CDH20: variants seen among roughly 807,000 people sequenced by gnomAD.
CDH20 encodes cadherin-20.
CDH20 carries 29 observed loss-of-function variants against 74.2 expected under a neutral mutation model. That is an observed-to-expected ratio of 0.39 (90% CI 0.29 to 0.53). The LOEUF (loss-of-function observed/expected upper bound fraction) is 0.53. CDH20 is among the 20% of genes least tolerant of loss of function. The pLI, the probability that CDH20 is intolerant of heterozygous loss-of-function variation, is 0.69. For missense variants in CDH20, 988 were observed against 1,048.3 expected, an observed-to-expected ratio of 0.94 and a Z score of 0.79; for synonymous variants, 469 against 405.4, an observed-to-expected ratio of 1.16 and a Z score of -1.88.
At chr18:61,521,171 T>C (rs1246721277) in intron 6 of CDH20, among the ~76,000 whole-genome samples, 1 of 150,790 alleles carries the variant, frequency 6.6e-6, no homozygotes, top group Non-Finnish European at 1.5e-5. Context: ...AATAGATAGA[T>C]TGCTAGCCAC....
intron 1 of CDH20, among the ~76,000 whole-genome samples, chr18:61,400,617 C>A (rs1568125374): frequency 6.6e-6 from 1 of 152,160 alleles, no homozygotes; most frequent in Non-Finnish European, 1.5e-5. Context: ...TCCTCTCGTT[C>A]CATAATTGTG....
chr18:61,409,438 CCTT>C (rs1197956374), intron 1 of CDH20, among the ~76,000 whole-genome samples: 1 of 152,108 alleles, frequency 6.6e-6, no homozygotes, highest in Non-Finnish European at 1.5e-5. Flanking sequence ...CTCAGCAGAC[CCTT>C]CGATGGGGAC....
At chr18:61,367,981 A>G (rs1910912871) in intron 1 of CDH20, among the ~76,000 whole-genome samples, 1 of 151,992 alleles carries the variant, frequency 6.6e-6, no homozygotes, top group Non-Finnish European at 1.5e-5. Context: ...TTTGATTAGG[A>G]CTTACTCTGA....
At chr18:61,544,894 C>T in intron 9 of CDH20, 133 bp from the exon 10 acceptor site, 1 of 670,188 alleles carries the variant, frequency 1.5e-6, no homozygotes, top group Non-Finnish European at 2.7e-6. Context: ...TTCCCTGCCC[C>T]TCTCCCATAC....
In CDH20 at chr18:61,538,963, T is replaced by TG; in HGVS notation, c.1409-61_1409-60insG. ...ACCGACTTCTAGCAAAAACCATTAC[T>TG]CTTTTTTTTCTTTTGGCATTACTAA... is the stretch of plus-strand genomic sequence containing the variant. On this transcript the variant is annotated intron_variant, in intron 8 of 11. Coordinates refer to ENST00000262717, the MANE Select transcript of CDH20 (RefSeq NM_031891.4). The TG allele has an allele frequency of 2.7e-6, 3 of 1,109,582 alleles. No homozygotes were observed. In the East Asian group the frequency reaches 8.0e-5, roughly 30 times the overall value. The allele number at this position is 1,109,582 out of a possible 1,614,324, so 68.7% of individuals were successfully genotyped here. A position where few individuals can be genotyped will look rare whatever the true frequency, so the allele number is the denominator to read the frequency against.
rs1599128181 is a variant in CDH20, at chr18:61,499,390, T to C, written c.451T>C (p.Phe151Leu). The C allele has an allele frequency of 6.2e-7, 1 of 1,613,736 alleles. No individual in the cohort carries two copies. Among genetic ancestry groups the C allele is most frequent in the South Asian group, 1.1e-5 (1 of 91,046 alleles). Residue 151 changes from phenylalanine (F) to leucine (L), a missense_variant, in exon 3 of 12, where the codon TTC (phenylalanine) becomes CTC (leucine). Coordinates refer to ENST00000262717, the MANE Select transcript of CDH20 (RefSeq NM_031891.4). ...CAGGCCAATGGAGCCCGAGTCAGAG[T>C]TCATCATCAAAATTCAAGACATCAA... is the stretch of plus-strand genomic sequence containing the variant. ...TGRPMEPESEFIIKIQDINDN... is the reference protein window; with the variant it reads ...TGRPMEPESELIIKIQDINDN...
At chr18:61,473,554 G>A (rs1943952282) in intron 1 of CDH20, among the ~76,000 whole-genome samples, 1 of 117,978 alleles carries the variant, frequency 8.5e-6, no homozygotes, top group Non-Finnish European at 1.8e-5. Context: ...TGCAATAACA[G>A]CATTTTCCAT....
At chr18:61,480,355 CA>C (rs1389561639) in intron 1 of CDH20, among the ~76,000 whole-genome samples, 1 of 152,188 alleles carries the variant, frequency 6.6e-6, no homozygotes, top group African/African-American at 2.4e-5. Context: ...ATGCCTGTGA[CA>C]CAGCCTCAGG....
intron 11 of CDH20, 121 bp from the exon 12 acceptor site, chr18:61,554,069 A>T: frequency 8.3e-7 from 1 of 1,204,708 alleles, no homozygotes; most frequent in South Asian, 1.5e-5. Context: ...TCCAAAAGCT[A>T]TCTCTGAGCC....
At chr18:61,370,850 T>G (rs904248331) in intron 1 of CDH20, among the ~76,000 whole-genome samples, 1 of 152,106 alleles carries the variant, frequency 6.6e-6, no homozygotes, top group East Asian at 1.9e-4. Context: ...CTATCTTTTT[T>G]GAAAAGTATT....
At chr18:61,507,029 A>G (rs1430173282) in intron 5 of CDH20, among the ~76,000 whole-genome samples, 1 of 152,220 alleles carries the variant, frequency 6.6e-6, no homozygotes, top group Non-Finnish European at 1.5e-5. Context: ...AAGGAACTGC[A>G]ATTTAAGGAA....
chr18:61,532,249 G>A (rs1291095958), intron 7 of CDH20, among the ~76,000 whole-genome samples: 2 of 152,070 alleles, frequency 1.3e-5, no homozygotes, highest in African/African-American at 4.8e-5. Flanking sequence ...AGTCCATATA[G>A]GTGATGTGTG....
At chr18:61,388,767 C>G (rs959028694) in intron 1 of CDH20, among the ~76,000 whole-genome samples, 2 of 152,222 alleles carry the variant, frequency 1.3e-5, no homozygotes, top group Non-Finnish European at 1.5e-5. Context: ...TTCCCTGAAC[C>G]AACAGAAAGC....
At chr18:61,387,138 C>A (rs1225246347) in intron 1 of CDH20, among the ~76,000 whole-genome samples, 1 of 152,162 alleles carries the variant, frequency 6.6e-6, no homozygotes, top group East Asian at 1.9e-4. Context: ...ATCTATTCAA[C>A]CTTCACAAAT....
At chr18:61,338,363 A>C (rs1439959969) in intron 1 of CDH20, among the ~76,000 whole-genome samples, 1 of 152,176 alleles carries the variant, frequency 6.6e-6, no homozygotes, top group Non-Finnish European at 1.5e-5. Context: ...ATAATCTGCC[A>C]ATCTCTTGCT....
At chr18:61,532,198 T>G (rs566044821) in intron 7 of CDH20, among the ~76,000 whole-genome samples, 3 of 152,266 alleles carry the variant, frequency 2.0e-5, no homozygotes, top group Admixed American at 2.0e-4. Context: ...ATAAGGATCA[T>G]AATTGTGCCT....
chr18:61,429,643 C>T (rs1188938758), intron 1 of CDH20, among the ~76,000 whole-genome samples: 2 of 152,106 alleles, frequency 1.3e-5, no homozygotes, highest in Non-Finnish European at 2.9e-5. Flanking sequence ...ACACTCTACC[C>T]ACCTCTTCTC....
In CDH20 at chr18:61,545,047, G is replaced by C. The variant is rs562349596; in HGVS notation, c.1551G>C (p.Ala517=). Residue 517 remains alanine (A), a synonymous_variant, in exon 10 of 12, where the codon GCG becomes GCC. Transcript: ENST00000262717. ...CTCAGCTGATCCAGACAGTGAGTGC[G>C]GTGGACCAAGATGACCCACGCAATG... The part of the protein sequence containing the change: ...KAGQLIQTVS[A]VDQDDPRNGQ... 8 of 1,613,056 alleles carry C rather than the reference G, an allele frequency of 5.0e-6. No individual in the cohort carries two copies. In the East Asian group the frequency reaches 1.8e-4, roughly 36 times the overall value.
At chr18:61,479,650 G>A (rs1247959366) in intron 1 of CDH20, among the ~76,000 whole-genome samples, 3 of 107,442 alleles carry the variant, frequency 2.8e-5, no homozygotes, top group Non-Finnish European at 5.9e-5. Flanking sequence ...TCTTCTCTAT[G>A]TGTGTGTCAC....
Sources: allele counts gnomAD v4.1 joint callset (sites outside exome capture counted in the v4.1 genomes callset), GRCh38; gene constraint gnomAD v4.1.1; transcripts MANE v1.5; gene names NCBI Gene and HGNC (gene_info 2026-07-23, HGNC 2026-07-21).